Variants in ZFYVE21 observed in about 807,000 individuals in gnomAD.
The protein encoded by ZFYVE21 is zinc finger FYVE domain-containing protein 21.
In ZFYVE21, 21 loss-of-function variants were observed where a neutral mutation model predicts 29.5. The observed-to-expected ratio is 0.71, with a 90% confidence interval of 0.50 to 1.02. The LOEUF is 1.02. Ranked by LOEUF, ZFYVE21 falls within the 50% of genes least tolerant of loss-of-function variation. ZFYVE21 has a pLI of 0.00. For synonymous variants in ZFYVE21, 151 were observed against 133.8 expected, an observed-to-expected ratio of 1.13 and a Z score of -0.89; for missense variants, 326 against 335.4, an observed-to-expected ratio of 0.97 and a Z score of 0.22.
At chr14:103,727,653 C>T (rs1567070983) in intron 2 of ZFYVE21, 93 bp from the exon 3 acceptor site, 3 of 1,528,992 alleles carry the variant, frequency 2.0e-6, no homozygotes, top group Admixed American at 1.7e-5. Context: ...CGCGTTTAGG[C>T]GTGGCCCGGG....
rs529244979 is a variant in ZFYVE21, at chr14:103,727,951, G to A, written c.358+37G>A. 1.4e-4 allele frequency: 219 copies of A among 1,566,074 alleles called. 3 individuals are homozygous for A. In the South Asian group the frequency reaches 1.9e-3, roughly 14 times the overall value. On this transcript the variant is annotated intron_variant, in intron 3 of 6. Coordinates refer to ENST00000311141, the MANE Select transcript of ZFYVE21 (RefSeq NM_024071.4). ...TGTCCTGCACAGTCCCGCGCGCTCC[G>A]CCAGCCGGCTCCTCGTGTCTGTGGC...
chr14:103,725,970 C>CA (rs1252614102), intron 1 of ZFYVE21: 1 of 152,300 alleles, frequency 6.6e-6, no homozygotes. Context: ...TGAGCCCAGT[C>CA]ACCTTCCTGT....
At chr14:103,727,283 C>G (rs1487278755) in intron 2 of ZFYVE21, 1 of 359,348 alleles carries the variant, frequency 2.8e-6, no homozygotes, top group Non-Finnish European at 5.4e-6. Context: ...TGCCCTGTTT[C>G]CGTGGAAAGT....
chr14:103,721,945 A>T (rs906727053), intron 1 of ZFYVE21, among the ~76,000 whole-genome samples: 2 of 152,180 alleles, frequency 1.3e-5, no homozygotes, highest in Non-Finnish European at 2.9e-5. Flanking sequence ...CTGGCCACCT[A>T]CGGTGAAAAC....
At position 103,728,865 on chromosome 14, in the gene ZFYVE21, A is replaced by C. The variant is rs2295149; in HGVS notation, c.359-43A>C. The C allele has an allele frequency of 8.6e-3, 13,742 of 1,604,304 alleles. 577 individuals are homozygous for C. The African/African-American group carries it at 0.094, about 11-fold the overall frequency. ...TACTCGTGGGAAGGGTTAGGTGGAA[A>C]AGAAGCAGGCCCTGTTCTCACGTTT... On this transcript the variant is annotated intron_variant, in intron 3 of 6. Transcript: ENST00000311141.
At chr14:103,721,779 C>T (rs1031068492) in intron 1 of ZFYVE21, among the ~76,000 whole-genome samples, 2 of 152,226 alleles carry the variant, frequency 1.3e-5, no homozygotes, top group African/African-American at 4.8e-5. Context: ...TATTCATTTT[C>T]CTCACTAAAC....
chr14:103,733,055 C>T lies in ZFYVE21; in HGVS notation c.*37C>T, dbSNP rs1034041103. 2 of 1,613,812 alleles carry T rather than the reference C, an allele frequency of 1.2e-6. No individual in the cohort carries two copies. The highest frequency in any genetic ancestry group is 8.5e-7 in the Non-Finnish European group (1 of 1,179,890). On this transcript the variant is annotated 3_prime_UTR_variant, in exon 7 of 7. Coordinates refer to ENST00000311141, the MANE Select transcript of ZFYVE21 (RefSeq NM_024071.4). Reference sequence around the variant, plus strand: ...GCTGAGCTTGGAGTACGTGTGGTCACCAGGACTGAGTCGCTTGGAACAGCA... The same window carrying T: ...GCTGAGCTTGGAGTACGTGTGGTCATCAGGACTGAGTCGCTTGGAACAGCA...
chr14:103,726,957 T>C, intron 2 of ZFYVE21, 115 bp downstream of exon 2: 3 of 1,203,224 alleles, frequency 2.5e-6, no homozygotes, highest in Non-Finnish European at 3.5e-6. Context: ...CGTTTTTTTT[T>C]TTTTTGAGAC....
intron 1 of ZFYVE21, among the ~76,000 whole-genome samples, chr14:103,722,118 C>G (rs2083877540): frequency 6.6e-6 from 1 of 152,202 alleles, no homozygotes; most frequent in African/African-American, 2.4e-5. Flanking sequence ...GCGGGGCGTG[C>G]TTACTGGCGG....
At chr14:103,725,726 T>G (rs918788228) in intron 1 of ZFYVE21, 3 of 152,266 alleles carry the variant, frequency 2.0e-5, no homozygotes, top group Non-Finnish European at 4.4e-5. Flanking sequence ...GGTGACAAGT[T>G]TTTTTGTCTA....
intron 1 of ZFYVE21, among the ~76,000 whole-genome samples, chr14:103,718,224 G>A (rs1241466856): frequency 3.9e-5 from 6 of 152,174 alleles, no homozygotes; most frequent in African/African-American, 1.2e-4. Flanking sequence ...CGGCATCATC[G>A]TCATATCTGT....
chr14:103,715,856 G>A lies in ZFYVE21; in HGVS notation c.15G>A (p.Val5=). MSSE[V]SARRDAKKLV... Reference sequence around the variant, plus strand: ...GAGGCGGCGTCATGTCCTCCGAGGTGTCCGCGCGCCGCGACGCCAAGAAGC... The same window carrying A: ...GAGGCGGCGTCATGTCCTCCGAGGTATCCGCGCGCCGCGACGCCAAGAAGC... Residue 5 remains valine (V), a synonymous_variant, in exon 1 of 7, where the codon GTG becomes GTA. Transcript: ENST00000311141. 1 of 1,423,190 alleles carries A rather than the reference G, an allele frequency of 7.0e-7. No homozygotes were observed. The highest frequency in any genetic ancestry group is 9.2e-7 in the Non-Finnish European group (1 of 1,083,948). The allele number at this position is 1,423,190 out of a possible 1,614,324, so 88.2% of individuals were successfully genotyped here. A position where few individuals can be genotyped will look rare whatever the true frequency, so the allele number is the denominator to read the frequency against.
At chr14:103,720,746 G>A (rs1051315863) in intron 1 of ZFYVE21, among the ~76,000 whole-genome samples, 4 of 152,134 alleles carry the variant, frequency 2.6e-5, no homozygotes, top group Non-Finnish European at 5.9e-5. Flanking sequence ...GTGGGGGAGC[G>A]GGTCTCGACC....
intron 2 of ZFYVE21, 110 bp from the exon 3 acceptor site, chr14:103,727,636 G>A: frequency 7.1e-7 from 1 of 1,416,570 alleles, no homozygotes; most frequent in South Asian, 1.2e-5. Flanking sequence ...GGCCGGCACA[G>A]GGGCCTCGCG....
At chr14:103,724,288 C>T (rs992990502) in intron 1 of ZFYVE21, among the ~76,000 whole-genome samples, 1 of 152,252 alleles carries the variant, frequency 6.6e-6, no homozygotes, top group Non-Finnish European at 1.5e-5. Context: ...GCAGTGTTCG[C>T]CGGCCCAGGG....
Position 103,729,127 on chromosome 14 carries a change from C to G in ZFYVE21, c.471C>G (p.Ile157Met), listed in dbSNP as rs116437965. ...TGGATGGAGACAGCCACTATGAAATCGAAATTGTACACATTTCCACCGTGC... is the reference window on the plus strand; with the variant it reads ...TGGATGGAGACAGCCACTATGAAATGGAAATTGTACACATTTCCACCGTGC... ...LFLDGDSHYE[I>M]EIVHISTVQI... The change falls in exon 5 of 7, where the codon ATC (isoleucine) becomes ATG (methionine). Residue 157 changes from isoleucine (I) to methionine (M), a missense_variant. Transcript: ENST00000311141. The G allele has an allele frequency of 1.2e-6, 2 of 1,613,904 alleles. No individual in the cohort carries two copies. The highest frequency in any genetic ancestry group is 1.7e-6 in the Non-Finnish European group (2 of 1,180,018).
rs861528 is a variant in ZFYVE21 at position 103,716,661 on chromosome 14, C to G, written c.138+682C>G. The stretch of plus-strand genomic sequence containing the variant: ...AGACCGCAGATTTGCACCCGTTTCC[C>G]ATGGGCCCAGACACGGCAGGAGTTG... On this transcript the variant is annotated intron_variant, in intron 1 of 6. Transcript: ENST00000311141. This position sits in a 1 kb window ranked among gnomAD's most constrained non-coding sequence, Gnocchi z 4.8. Among the ~76,000 whole-genome samples, 2 of 152,240 alleles carry G rather than the reference C, an allele frequency of 1.3e-5. No homozygotes were observed. The highest frequency in any genetic ancestry group is 6.5e-5 in the Admixed American group (1 of 15,302).
Position 103,716,077 on chromosome 14 carries a change from CG to C in ZFYVE21, c.138+101del. 3.6e-6 allele frequency: 4 copies of C among 1,103,568 alleles called. No individual in the cohort carries two copies. Among genetic ancestry groups the C allele is most frequent in the Non-Finnish European group, 4.5e-6 (4 of 894,902 alleles). 68.4% of individuals were successfully genotyped at this position (1,103,568 alleles called of 1,614,324 possible). On this transcript the variant is annotated intron_variant, in intron 1 of 6. Coordinates refer to ENST00000311141, the MANE Select transcript of ZFYVE21 (RefSeq NM_024071.4). The surrounding 1 kb of genome is among the most constrained non-coding windows in gnomAD (Gnocchi z 4.8). ...GCTCCCGCGACGACCCCTCCGCCTC[CG>C]GGCGGCCCCTTCCCCAGCCGGCCCC... is the stretch of plus-strand genomic sequence containing the variant.
Position 103,733,164 on chromosome 14 carries a change from T to C in ZFYVE21, c.*146T>C. The C allele has an allele frequency of 1.0e-6, 1 of 966,364 alleles. No individual in the cohort carries two copies. Among genetic ancestry groups the C allele is most frequent in the Non-Finnish European group, 1.6e-6 (1 of 639,340 alleles). 59.9% of individuals were successfully genotyped at this position (966,364 alleles called of 1,614,324 possible). ...ACTCATGTATTTGGAGAAACAGGAGTGTTCACTTATCTAGTGCAATATGTT... is the reference window on the plus strand; with the variant it reads ...ACTCATGTATTTGGAGAAACAGGAGCGTTCACTTATCTAGTGCAATATGTT... On this transcript the variant is annotated 3_prime_UTR_variant, in exon 7 of 7. Coordinates refer to ENST00000311141, the MANE Select transcript of ZFYVE21 (RefSeq NM_024071.4).
Sources: gnomAD v4.1 joint callset for allele counts (sites outside exome capture counted in the v4.1 genomes callset) on GRCh38, gnomAD v4.1.1 for gene constraint, Gnocchi (gnomAD v3.1) non-coding constraint, MANE v1.5 for transcripts, NCBI Gene and HGNC (gene_info 2026-07-23, HGNC 2026-07-21) for gene names.